The following ATP8B1 variants were observed in gnomAD, a reference collection of about 807,000 sequenced individuals.
ATP8B1 encodes phospholipid-transporting ATPase IC.
Under a neutral mutation model 149.9 loss-of-function variants are expected in ATP8B1, and 80 were observed. That is an observed-to-expected ratio of 0.53 (90% CI 0.45 to 0.64). ATP8B1 has a LOEUF of 0.64. ATP8B1 is among the 30% of genes least tolerant of loss of function. ATP8B1 has a pLI of 0.00. For missense variants in ATP8B1, 1,247 were observed against 1,552.6 expected (o/e 0.80, Z 3.31); for synonymous variants, 536 against 562.8 (o/e 0.95, Z 0.67).
chr18:57,763,377 A>G (rs1599209715), intron 1 of ATP8B1, among the ~76,000 whole-genome samples: 1 of 148,900 alleles, frequency 6.7e-6, no homozygotes, highest in Non-Finnish European at 1.5e-5. Flanking sequence ...GGGCAAGAAG[A>G]GCGAAACCCC....
At chr18:57,698,541 G>T (rs1912948358) in intron 6 of ATP8B1, among the ~76,000 whole-genome samples, 1 of 151,960 alleles carries the variant, frequency 6.6e-6, no homozygotes, top group South Asian at 2.1e-4. Context: ...TACCATATTG[G>T]CCAGGCTGGT....
chr18:57,696,194 C>A lies in ATP8B1; in HGVS notation c.699-662G>T, dbSNP rs1912798412. On this transcript the variant is annotated intron_variant, in intron 8 of 27. Transcript: ENST00000648908. Reference sequence around the variant, plus strand: ...ACCTCACCATTCTGTTCTGGCAGGGCATGTTAGGATCTTATGTCTTTGTAA... The same window carrying A: ...ACCTCACCATTCTGTTCTGGCAGGGAATGTTAGGATCTTATGTCTTTGTAA... Among the ~76,000 whole-genome samples the A allele has an allele frequency of 2.0e-5, 3 of 152,174 alleles. No individual in the cohort carries two copies. In the South Asian group the frequency reaches 6.2e-4, roughly 31 times the overall value.
At position 57,650,570 on chromosome 18, in the gene ATP8B1, T is replaced by C. The variant is rs1038032174; in HGVS notation, c.3401-73A>G. On this transcript the variant is annotated intron_variant, in intron 26 of 27. Transcript: ENST00000648908. ...AACATAGTTAATATTTCGCCAGGTG[T>C]GGTGGCTCATGCCTGTAATCCTAAC... 2.1e-5 allele frequency: 33 copies of C among 1,552,304 alleles called. No homozygotes were observed. In the South Asian group the frequency reaches 3.2e-4, roughly 15 times the overall value.
chr18:57,653,675 CTTT>C (rs1438318812), intron 24 of ATP8B1, among the ~76,000 whole-genome samples: 17 of 126,482 alleles, frequency 1.3e-4, no homozygotes, highest in African/African-American at 4.0e-4. Flanking sequence ...CAGAAATCCT[CTTT>C]TCTCTTTTTT....
chr18:57,673,243 T>C (rs1232607887), intron 16 of ATP8B1, among the ~76,000 whole-genome samples: 3 of 151,790 alleles, frequency 2.0e-5, no homozygotes, highest in Non-Finnish European at 4.4e-5. Context: ...CAAAAAGAGA[T>C]TGAACCGTCC....
chr18:57,717,656 C>T (rs1345826027), intron 2 of ATP8B1, among the ~76,000 whole-genome samples: 9 of 147,046 alleles, frequency 6.1e-5, no homozygotes, highest in Admixed American at 6.1e-4. Flanking sequence ...AAGATCAAAG[C>T]AGAGATAAAT....
In ATP8B1 at chr18:57,733,693, G is replaced by A. The variant is rs202246366; in HGVS notation, c.-25-1861C>T. 3.4e-3 allele frequency among the ~76,000 whole-genome samples: 373 copies of A among 109,072 alleles called. No individual in the cohort carries two copies. The Middle Eastern group carries it at 0.038, about 11-fold the overall frequency. The allele number at this position is 109,072 out of a possible 152,430, so 71.6% of individuals were successfully genotyped here. ...TGCACTCCAGCCCGGGCGACAGAGC[G>A]AGACTCCATCTCAAAAAAAAAAAAA... is the stretch of plus-strand genomic sequence containing the variant. On this transcript the variant is annotated intron_variant, in intron 1 of 27. Transcript: ENST00000648908.
chr18:57,794,269 G>C (rs2080489725), intron 1 of ATP8B1, among the ~76,000 whole-genome samples: 5 of 152,002 alleles, frequency 3.3e-5, no homozygotes, highest in Admixed American at 3.3e-4. Flanking sequence ...TTGTTCTCTA[G>C]AAACTACAGA....
chr18:57,745,683 G>A (rs1378778999), intron 1 of ATP8B1, among the ~76,000 whole-genome samples: 1 of 149,706 alleles, frequency 6.7e-6, no homozygotes, highest in Admixed American at 6.7e-5. Flanking sequence ...CTGACGCAGG[G>A]CCTTGCACTG....
At chr18:57,752,645 C>T (rs1023681103) in intron 1 of ATP8B1, among the ~76,000 whole-genome samples, 1 of 152,090 alleles carries the variant, frequency 6.6e-6, no homozygotes, top group Non-Finnish European at 1.5e-5. Context: ...TATTAACCAT[C>T]GTAAACCTGA....
chr18:57,789,974 C>T (rs1158477569), intron 1 of ATP8B1, among the ~76,000 whole-genome samples: 1 of 152,142 alleles, frequency 6.6e-6, no homozygotes, highest in Non-Finnish European at 1.5e-5. Context: ...CAATGCTTGA[C>T]CCCCGACCAC....
chr18:57,654,932 C>G (rs942251258), intron 23 of ATP8B1, among the ~76,000 whole-genome samples: 3 of 151,916 alleles, frequency 2.0e-5, no homozygotes, highest in Non-Finnish European at 2.9e-5. Context: ...GGCGATCCAC[C>G]TGCCTCAGCC....
At chr18:57,800,103 T>C (rs929932426) in intron 1 of ATP8B1, among the ~76,000 whole-genome samples, 1 of 152,174 alleles carries the variant, frequency 6.6e-6, no homozygotes, top group Non-Finnish European at 1.5e-5. Context: ...AGAAAAACTT[T>C]CCAGGAGACT....
chr18:57,685,684 C>A (rs1177120919), intron 13 of ATP8B1, among the ~76,000 whole-genome samples: 1 of 152,004 alleles, frequency 6.6e-6, no homozygotes, highest in Admixed American at 6.6e-5. Flanking sequence ...GTAATCCCAG[C>A]ACTTTGGGAG....
chr18:57,704,144 T>A (rs1265446568), intron 4 of ATP8B1, among the ~76,000 whole-genome samples: 1 of 152,092 alleles, frequency 6.6e-6, no homozygotes, highest in Non-Finnish European at 1.5e-5. Context: ...TTTTTTGTAT[T>A]TTTAGTAGAA....
At chr18:57,771,606 A>T (rs539773638) in intron 1 of ATP8B1, among the ~76,000 whole-genome samples, 19 of 152,256 alleles carry the variant, frequency 1.2e-4, no homozygotes, top group African/African-American at 4.6e-4. Flanking sequence ...CTGTCCAAGC[A>T]TATTTTGATT....
rs1319357285 is a variant in ATP8B1, at chr18:57,769,386, G to A, written c.-26+33612C>T. The stretch of plus-strand genomic sequence containing the variant: ...AGCTAGTTTCTCTAGAGCCTTTCTA[G>A]GTATGCCCGTGCGCCTTCCCACTCC... On this transcript the variant is annotated intron_variant, in intron 1 of 27. Transcript: ENST00000648908. Among the ~76,000 whole-genome samples, 4 of 152,102 alleles carry A rather than the reference G, an allele frequency of 2.6e-5. No individual in the cohort carries two copies. The East Asian group carries it at 7.7e-4, about 29-fold the overall frequency.
chr18:57,650,328 G>T lies in ATP8B1; in HGVS notation c.3531+39C>A, dbSNP rs374795631. The T allele has an allele frequency of 8.1e-6, 13 of 1,606,236 alleles. No homozygotes were observed. In the African/African-American group the frequency reaches 1.7e-4, roughly 21 times the overall value. ...GCTGTTGGGAAACGCTTTGGTTTCTGTGAGGGACAGAGTTGGGAAAGGACT... is the reference window on the plus strand; with the variant it reads ...GCTGTTGGGAAACGCTTTGGTTTCTTTGAGGGACAGAGTTGGGAAAGGACT... On this transcript the variant is annotated intron_variant, in intron 27 of 27. Transcript: ENST00000648908.
At position 57,791,346 on chromosome 18, in the gene ATP8B1, C is replaced by CTTTTTTTTTTTTTT. The variant is rs1473257768; in HGVS notation, c.-26+11651_-26+11652insAAAAAAAAAAAAAA. 6.0e-4 allele frequency among the ~76,000 whole-genome samples: 75 copies of CTTTTTTTTTTTTTT among 124,956 alleles called. 1 individual carries two copies. Among genetic ancestry groups the CTTTTTTTTTTTTTT allele is most frequent in the African/African-American group, 2.3e-3 (69 of 29,522 alleles). The allele number at this position is 124,956 out of a possible 152,430, so 82.0% of individuals were successfully genotyped here. A position where few individuals can be genotyped will look rare whatever the true frequency, so the allele number is the denominator to read the frequency against. On this transcript the variant is annotated intron_variant, in intron 1 of 27. Transcript: ENST00000648908. ...TTCCTTCCTTTTTTCTTTTTCTTTT[C>CTTTTTTTTTTTTTT]TTTTCTTTTTTTTTTTTTTTTTGAG...
Sources: allele counts gnomAD v4.1 joint callset (sites outside exome capture counted in the v4.1 genomes callset), GRCh38; gene constraint gnomAD v4.1.1; transcripts MANE v1.5; gene names NCBI Gene and HGNC (gene_info 2026-07-23, HGNC 2026-07-21).